The following MAP2K1 variants were observed in gnomAD, a reference collection of about 807,000 sequenced individuals.
The protein encoded by MAP2K1 is dual specificity mitogen-activated protein kinase kinase 1.
Under a neutral mutation model 46.3 loss-of-function variants are expected in MAP2K1, and 16 were observed. That is an observed-to-expected ratio of 0.35 (90% confidence interval 0.23 to 0.52). MAP2K1 has a LOEUF of 0.52. MAP2K1 is among the 20% of genes least tolerant of loss of function. The pLI, the probability that MAP2K1 is intolerant of heterozygous loss-of-function variation, is 0.94. For missense variants in MAP2K1, 263 were observed against 497.1 expected, an observed-to-expected ratio of 0.53 and a Z score of 4.48; for synonymous variants, 183 against 185.6, an observed-to-expected ratio of 0.99 and a Z score of 0.11.
chr15:66,445,207 T>TG (rs1411113145), intron 5 of MAP2K1, among the ~76,000 whole-genome samples: 1 of 151,956 alleles, frequency 6.6e-6, no homozygotes, highest in Non-Finnish European at 1.5e-5. Context: ...TGACCCAACA[T>TG]GGTGAAACCC....
chr15:66,401,070 T>A (rs957406975), intron 1 of MAP2K1, among the ~76,000 whole-genome samples: 1 of 152,246 alleles, frequency 6.6e-6, no homozygotes, highest in African/African-American at 2.4e-5. Context: ...TTTTTACACA[T>A]GGACATAATC....
chr15:66,489,511 T>C (rs777903831), intron 9 of MAP2K1: 4 of 670,052 alleles, frequency 6.0e-6, no homozygotes, highest in African/African-American at 5.4e-5. Context: ...TCTCCAGGGA[T>C]TGGCACGTTG....
At chr15:66,420,749 G>GTATA (rs1567002952) in intron 1 of MAP2K1, among the ~76,000 whole-genome samples, 3 of 45,106 alleles carry the variant, frequency 6.7e-5, no homozygotes, top group African/African-American at 2.1e-4. Context: ...GTGTGTGTGT[G>GTATA]TGTGTGTGTG....
At chr15:66,478,154 C>G (rs988698575) in intron 5 of MAP2K1, among the ~76,000 whole-genome samples, 3 of 151,614 alleles carry the variant, frequency 2.0e-5, no homozygotes, top group Admixed American at 1.3e-4. Flanking sequence ...CATCGTTGCT[C>G]AAATGTCCTC....
intron 1 of MAP2K1, among the ~76,000 whole-genome samples, chr15:66,388,629 C>G (rs963500344): frequency 5.3e-5 from 8 of 152,110 alleles, no homozygotes; most frequent in African/African-American, 1.9e-4. Flanking sequence ...AGCGATCCTC[C>G]CAAAGTGCTG....
chr15:66,473,472 C>T (rs903251618), intron 5 of MAP2K1, among the ~76,000 whole-genome samples: 5 of 151,962 alleles, frequency 3.3e-5, no homozygotes, highest in African/African-American at 1.2e-4. Flanking sequence ...TCGCTTGAGC[C>T]TAGGAGGTCG....
chr15:66,424,310 G>A (rs1436228644), intron 1 of MAP2K1, among the ~76,000 whole-genome samples: 2 of 152,024 alleles, frequency 1.3e-5, no homozygotes, highest in Admixed American at 6.5e-5. Flanking sequence ...TGCCTGCCTC[G>A]GCCTCCCAAA....
intron 1 of MAP2K1, among the ~76,000 whole-genome samples, chr15:66,409,108 CA>C (rs1219488591): frequency 3.9e-5 from 6 of 152,130 alleles, no homozygotes; most frequent in African/African-American, 1.4e-4. Context: ...GTATGCTCTT[CA>C]TTGTTCATAC....
intron 1 of MAP2K1, among the ~76,000 whole-genome samples, chr15:66,406,007 T>C (rs143698853): frequency 6.6e-6 from 1 of 152,362 alleles, no homozygotes; most frequent in African/African-American, 2.4e-5. Flanking sequence ...TTGATTCAAA[T>C]GGCATTTATG....
chr15:66,432,123 T>G (rs904283990), intron 1 of MAP2K1, among the ~76,000 whole-genome samples: 1 of 152,188 alleles, frequency 6.6e-6, no homozygotes, highest in African/African-American at 2.4e-5. Flanking sequence ...CACAGCTGGT[T>G]GATGAACAAT....
chr15:66,491,040 G>T lies in MAP2K1; in HGVS notation c.*425G>T, dbSNP rs56366941. On this transcript the variant is annotated 3_prime_UTR_variant, in exon 11 of 11. Coordinates refer to ENST00000307102, the MANE Select transcript of MAP2K1 (RefSeq NM_002755.4). Reference sequence around the variant, plus strand: ...TACTTTCTCTCTAGGAGGGAGCCTTGTGAGATCCTTCACAGGCAGTGCATG... The same window carrying T: ...TACTTTCTCTCTAGGAGGGAGCCTTTTGAGATCCTTCACAGGCAGTGCATG... The T allele has an allele frequency of 0.04, 16,217 of 401,246 alleles. 446 individuals are homozygous for T. The highest frequency in any genetic ancestry group is 0.055 in the Non-Finnish European group (11,957 of 215,468). The allele number at this position is 401,246 out of a possible 1,614,324, so 24.9% of individuals were successfully genotyped here.
intron 1 of MAP2K1, chr15:66,402,038 C>T: frequency 2.3e-6 from 3 of 1,307,786 alleles, no homozygotes; most frequent in Non-Finnish European, 1.0e-6. Context: ...TAAAGTATTT[C>T]TGAGTAGTTT....
intron 5 of MAP2K1, among the ~76,000 whole-genome samples, chr15:66,473,889 C>T (rs1045701520): frequency 2.0e-5 from 3 of 152,154 alleles, no homozygotes; most frequent in African/African-American, 7.2e-5. Context: ...GCCACATTGC[C>T]CAGGCTGATC....
At chr15:66,441,752 C>CAAAAAAA (rs35667031) in intron 3 of MAP2K1, among the ~76,000 whole-genome samples, 1 of 98,746 alleles carries the variant, frequency 1.0e-5, no homozygotes, top group African/African-American at 3.7e-5. Context: ...TAAAAAAAGA[C>CAAAAAAA]AAAAAAAAAA....
In MAP2K1 at chr15:66,490,833, C is replaced by G; in HGVS notation, c.*218C>G. ...TTCCCCTAAGTGGATTGGCTTTGTGCTTGGGGCTATTTGTGTGTATGCTGA... is the reference window on the plus strand; with the variant it reads ...TTCCCCTAAGTGGATTGGCTTTGTGGTTGGGGCTATTTGTGTGTATGCTGA... On this transcript the variant is annotated 3_prime_UTR_variant, in exon 11 of 11. Transcript: ENST00000307102. 1.6e-6 allele frequency: 1 copy of G among 624,860 alleles called. No homozygotes were observed. The highest frequency in any genetic ancestry group is 2.9e-6 in the Non-Finnish European group (1 of 340,196). 38.7% of individuals were successfully genotyped at this position (624,860 alleles called of 1,614,324 possible).
chr15:66,395,536 T>G (rs1032243719), intron 1 of MAP2K1, among the ~76,000 whole-genome samples: 1 of 152,050 alleles, frequency 6.6e-6, no homozygotes, highest in Non-Finnish European at 1.5e-5. Flanking sequence ...ATGGTTTTTT[T>G]TTTTGTCTGA....
intron 1 of MAP2K1, among the ~76,000 whole-genome samples, chr15:66,421,409 G>T (rs1377747077): frequency 6.6e-6 from 1 of 151,790 alleles, no homozygotes; most frequent in Admixed American, 6.6e-5. Context: ...CAGGATTACA[G>T]GTTTGAGCCA....
At chr15:66,490,368 C>A in intron 10 of MAP2K1, 134 bp from the exon 11 acceptor site, 1 of 766,092 alleles carries the variant, frequency 1.3e-6, no homozygotes, top group East Asian at 2.5e-5. Flanking sequence ...CACTGTTGCT[C>A]AGGGGCAGGT....
chr15:66,459,156 T>C (rs938303830), intron 5 of MAP2K1, among the ~76,000 whole-genome samples: 8 of 144,688 alleles, frequency 5.5e-5, no homozygotes, highest in Admixed American at 2.1e-4. Flanking sequence ...CTACTAAAAA[T>C]ATAAAAATTA....
Sources: allele counts gnomAD v4.1 joint callset (sites outside exome capture counted in the v4.1 genomes callset), GRCh38; gene constraint gnomAD v4.1.1; transcripts MANE v1.5; gene names NCBI Gene and HGNC (gene_info 2026-07-23, HGNC 2026-07-21).